The following PALS2 variants were observed in gnomAD, a reference collection of about 807,000 sequenced individuals.
PALS2 encodes protein PALS2.
Under a neutral mutation model 61.6 loss-of-function variants are expected in PALS2, and 27 were observed. The observed-to-expected ratio is 0.44, with a 90% CI of 0.32 to 0.60. The LOEUF (loss-of-function observed/expected upper bound fraction) is 0.60. PALS2 is among the 20% of genes least tolerant of loss of function. The probability of loss-of-function intolerance (pLI) is 0.05; values close to 1 mark genes in which losing one functional copy is unlikely to be tolerated. For missense variants in PALS2, 554 were observed against 639.4 expected, an observed-to-expected ratio of 0.87 and a Z score of 1.44; for synonymous variants, 236 against 218.6, an observed-to-expected ratio of 1.08 and a Z score of -0.70.
At chr7:24,677,364 T>C (rs994715740) in intron 9 of PALS2, among the ~76,000 whole-genome samples, 1 of 152,084 alleles carries the variant, frequency 6.6e-6, no homozygotes, top group African/African-American at 2.4e-5. Context: ...ACCCTTTATT[T>C]CCTTCTCTTG....
chr7:24,684,145 G>A (rs1243803050), intron 11 of PALS2, among the ~76,000 whole-genome samples: 1 of 151,978 alleles, frequency 6.6e-6, no homozygotes, highest in Admixed American at 6.5e-5. Flanking sequence ...CTGTCGCCAG[G>A]CTGGAGTGCA....
At chr7:24,663,559 A>T in intron 5 of PALS2, 31 bp from the exon 6 acceptor site, 1 of 1,543,166 alleles carries the variant, frequency 6.5e-7, no homozygotes, top group South Asian at 1.2e-5. Context: ...TGATACAACT[A>T]TAGTATTTTT....
In PALS2 at chr7:24,573,898, A is replaced by G. The variant is rs112691564; in HGVS notation, c.-3+305A>G. The G allele has an allele frequency of 0.13, 19,123 of 152,096 alleles. 1,681 individuals carry two copies. The highest frequency in any genetic ancestry group is 0.47 in the East Asian group (2,410 of 5,098). 9.4% of individuals were successfully genotyped at this position (152,096 alleles called of 1,614,324 possible). On this transcript the variant is annotated intron_variant, in intron 1 of 11. Coordinates refer to ENST00000222644, the MANE Select transcript of PALS2 (RefSeq NM_001303037.2). The surrounding 1 kb of genome is among the most constrained non-coding windows in gnomAD (Gnocchi z 5.3). The stretch of plus-strand genomic sequence containing the variant: ...CGGAGCTCGGCAACGTGTCTGGCCC[A>G]TGCTGCTTGCCGCCGCTCCCCACGC...
At chr7:24,667,657 A>T (rs886202733) in intron 8 of PALS2, among the ~76,000 whole-genome samples, 47 of 98,652 alleles carry the variant, frequency 4.8e-4, no homozygotes, top group East Asian at 6.4e-4. Context: ...GATTAGATAA[A>T]TTTTTTTTTT....
intron 5 of PALS2, among the ~76,000 whole-genome samples, chr7:24,655,176 G>A (rs1311132526): frequency 6.6e-6 from 1 of 152,144 alleles, no homozygotes; most frequent in Non-Finnish European, 1.5e-5. Context: ...AAAGTTTAAT[G>A]TCTCTTAGAG....
chr7:24,583,930 C>A (rs960178523), intron 1 of PALS2, among the ~76,000 whole-genome samples: 1 of 150,978 alleles, frequency 6.6e-6, no homozygotes, highest in Non-Finnish European at 1.5e-5. Flanking sequence ...TTTGTTCTCA[C>A]GATAGTTTAC....
At chr7:24,622,927 C>T (rs116282939) in intron 1 of PALS2, among the ~76,000 whole-genome samples, 1 of 151,868 alleles carries the variant, frequency 6.6e-6, no homozygotes, top group African/African-American at 2.4e-5. Flanking sequence ...TTTTCTTTGT[C>T]TGAAGTGTCA....
chr7:24,648,844 G>C (rs925280854), intron 3 of PALS2, among the ~76,000 whole-genome samples: 27 of 149,958 alleles, frequency 1.8e-4, no homozygotes, highest in Admixed American at 9.3e-4. Context: ...AGTGGGGGTT[G>C]CAGTGAGCCG....
chr7:24,691,793 T>C lies in PALS2; in HGVS notation c.*4179T>C, dbSNP rs1788492359. Reference sequence around the variant, plus strand: ...AGGCTGAGATTATGATACCTGCCCTTGTCTTATTTCAAGAGGTTTGCTGTG... The same window carrying C: ...AGGCTGAGATTATGATACCTGCCCTCGTCTTATTTCAAGAGGTTTGCTGTG... On this transcript the variant is annotated 3_prime_UTR_variant, in exon 12 of 12. Transcript: ENST00000222644. 6.6e-6 allele frequency: 1 copy of C among 152,088 alleles called. No homozygotes were observed. Among genetic ancestry groups the C allele is most frequent in the South Asian group, 2.1e-4 (1 of 4,824 alleles). 9.4% of individuals were successfully genotyped at this position (152,088 alleles called of 1,614,324 possible). A position where few individuals can be genotyped will look rare whatever the true frequency, so the allele number is the denominator to read the frequency against.
intron 2 of PALS2, among the ~76,000 whole-genome samples, chr7:24,635,568 C>CTT (rs1442424154): frequency 2.0e-5 from 3 of 152,036 alleles, no homozygotes; most frequent in Non-Finnish European, 2.9e-5. Context: ...TGGCTATAAC[C>CTT]TCCAGTACAA....
chr7:24,623,806 A>G (rs560685056), intron 2 of PALS2, 22 bp downstream of exon 2: 1 of 1,442,236 alleles, frequency 6.9e-7, no homozygotes, highest in South Asian at 1.3e-5. Context: ...TATTCATAAG[A>G]TTACTGAATT....
chr7:24,642,529 G>A (rs1011958348), intron 3 of PALS2, among the ~76,000 whole-genome samples: 2 of 152,124 alleles, frequency 1.3e-5, no homozygotes, highest in African/African-American at 4.8e-5. Context: ...ACATCCAGCC[G>A]TATATGGTAA....
intron 5 of PALS2, among the ~76,000 whole-genome samples, chr7:24,660,164 G>T (rs370322942): frequency 1.3e-5 from 2 of 152,044 alleles, no homozygotes; most frequent in African/African-American, 4.8e-5. Context: ...GAGGGTCCTT[G>T]TTACTTCATC....
intron 2 of PALS2, among the ~76,000 whole-genome samples, chr7:24,630,936 C>G (rs1449951155): frequency 6.6e-6 from 1 of 152,174 alleles, no homozygotes; most frequent in East Asian, 1.9e-4. Context: ...CTTGGTCACC[C>G]AAGAGCTCGG....
intron 11 of PALS2, among the ~76,000 whole-genome samples, chr7:24,684,192 C>T (rs776375846): frequency 3.3e-5 from 5 of 152,030 alleles, no homozygotes; most frequent in Non-Finnish European, 5.9e-5. Context: ...CTCTGCCTCC[C>T]AGGTTCAAGC....
intron 5 of PALS2, among the ~76,000 whole-genome samples, chr7:24,656,644 T>C (rs1426696729): frequency 6.6e-6 from 1 of 152,160 alleles, no homozygotes; most frequent in Non-Finnish European, 1.5e-5. Context: ...TACCTCAGCC[T>C]TCTGAGTAGC....
chr7:24,669,305 A>C (rs1431205507), intron 9 of PALS2, among the ~76,000 whole-genome samples: 1 of 152,236 alleles, frequency 6.6e-6, no homozygotes, highest in African/African-American at 2.4e-5. Flanking sequence ...AAGTTAAATA[A>C]TCATGTCAGA....
chr7:24,667,641 TA>T (rs1290341108), intron 8 of PALS2, among the ~76,000 whole-genome samples: 1 of 151,126 alleles, frequency 6.6e-6, no homozygotes, highest in East Asian at 1.9e-4. Flanking sequence ...AGAATTTTTC[TA>T]GCTTGATTAG....
chr7:24,690,557 A>T lies in PALS2; in HGVS notation c.*2943A>T, dbSNP rs1562673580. 1 of 152,096 alleles carries T rather than the reference A, an allele frequency of 6.6e-6. No individual in the cohort carries two copies. Among genetic ancestry groups the T allele is most frequent in the African/African-American group, 2.4e-5 (1 of 41,410 alleles). 9.4% of individuals were successfully genotyped at this position (152,096 alleles called of 1,614,324 possible). The stretch of plus-strand genomic sequence containing the variant: ...CTGTACACAACCTAAGACTATATAT[A>T]TATTTTTTCATTTTCAAATGTACAA... On this transcript the variant is annotated 3_prime_UTR_variant, in exon 12 of 12. Coordinates refer to ENST00000222644, the MANE Select transcript of PALS2 (RefSeq NM_001303037.2).
Sources: gnomAD v4.1 joint callset for allele counts (sites outside exome capture counted in the v4.1 genomes callset) on GRCh38, gnomAD v4.1.1 for gene constraint, Gnocchi (gnomAD v3.1) non-coding constraint, MANE v1.5 for transcripts, NCBI Gene and HGNC (gene_info 2026-07-23, HGNC 2026-07-21) for gene names.